The following BCL7A variants were observed in gnomAD, a reference collection of about 807,000 sequenced individuals.
BCL7A encodes B-cell CLL/lymphoma 7 protein family member A.
Under a neutral mutation model 28.4 loss-of-function variants are expected in BCL7A, and 11 were observed. The ratio of observed to expected loss-of-function variants is 0.39; its 90% CI spans 0.24 to 0.64. BCL7A has a LOEUF of 0.64. Among genes scored for constraint, BCL7A ranks in the 30% least tolerant of loss-of-function variants. BCL7A has a pLI of 0.50. For synonymous variants in BCL7A, 123 were observed against 103.3 expected, an observed-to-expected ratio of 1.19 and a Z score of -1.15; for missense variants, 222 against 274.8, an observed-to-expected ratio of 0.81 and a Z score of 1.36.
chr12:122,055,657 C>T (rs1951873379), intron 5 of BCL7A, among the ~76,000 whole-genome samples: 1 of 152,130 alleles, frequency 6.6e-6, no homozygotes, highest in Non-Finnish European at 1.5e-5. Flanking sequence ...CTCACTTTGT[C>T]ACCCAGGCTG....
intron 3 of BCL7A, among the ~76,000 whole-genome samples, chr12:122,037,307 C>G (rs1435218398): frequency 6.6e-6 from 1 of 152,202 alleles, no homozygotes; most frequent in African/African-American, 2.4e-5. Flanking sequence ...CTTTTGACCA[C>G]TGGAAGCTTT....
chr12:122,026,266 C>CAAA (rs78577517), intron 1 of BCL7A, among the ~76,000 whole-genome samples: 5 of 49,428 alleles, frequency 1.0e-4, no homozygotes, highest in Non-Finnish European at 2.2e-4. Context: ...GACTCCGTCT[C>CAAA]AAAAAAAAAA....
At chr12:122,055,624 CT>C (rs1177305350) in intron 5 of BCL7A, among the ~76,000 whole-genome samples, 10 of 152,206 alleles carry the variant, frequency 6.6e-5, no homozygotes, top group South Asian at 4.1e-4. Context: ...ATCCTCTAGA[CT>C]TTTTTTCCTT....
Position 122,044,009 on chromosome 12 carries a change from T to A in BCL7A, c.395T>A (p.Val132Glu), listed in dbSNP as rs753902391. The A allele has an allele frequency of 1.2e-6, 2 of 1,613,340 alleles. No individual in the cohort carries two copies. Among genetic ancestry groups the A allele is most frequent in the Admixed American group, 3.3e-5 (2 of 59,954 alleles). Residue 132 changes from valine to glutamate, a missense_variant, in exon 4 of 6, where the codon GTG becomes GAG. This residue lies in a region of BCL7A where 155 missense variants were observed against 145.7 expected (regional missense o/e 1.06). Transcript: ENST00000261822. ...CCCAGCGACGGCACCGAGGCCAAGG[T>A]GGATGAGGCCCAGGCTGATGGGAAG... ...AVPSDGTEAK[V>E]DEAQADGKEH...
chr12:122,021,941 T>TGTGTGTGTGTGTGA lies in BCL7A; in HGVS notation c.-138_-137insAGTGTGTGTGTGTG. The stretch of plus-strand genomic sequence containing the variant: ...TTGTGTGTGTGTGTATGTGTGTGTG[T>TGTGTGTGTGTGTGA]GTGTGTGTGTGTGTGTGAGTGTGTG... On this transcript the variant is annotated 5_prime_UTR_variant, in exon 1 of 6. An upstream open reading frame in the 5' UTR loses its in-frame stop. Coordinates refer to ENST00000261822, the MANE Select transcript of BCL7A (RefSeq NM_001024808.3). The TGTGTGTGTGTGTGA allele has an allele frequency of 1.8e-6, 1 of 565,732 alleles. No homozygotes were observed. The allele number at this position is 565,732 out of a possible 1,614,324, so 35.0% of individuals were successfully genotyped here.
At chr12:122,040,904 C>G (rs1384786261) in intron 3 of BCL7A, among the ~76,000 whole-genome samples, 1 of 152,140 alleles carries the variant, frequency 6.6e-6, no homozygotes, top group Non-Finnish European at 1.5e-5. Context: ...CATTAGTGCT[C>G]ATTGTCATTC....
chr12:122,057,566 G>A (rs1951887719), intron 5 of BCL7A, among the ~76,000 whole-genome samples: 1 of 152,142 alleles, frequency 6.6e-6, no homozygotes, highest in Non-Finnish European at 1.5e-5. Context: ...GCTTCAGGGG[G>A]TGTCCAGGCC....
chr12:122,059,313 C>G lies in BCL7A; in HGVS notation c.*150C>G. On this transcript the variant is annotated 3_prime_UTR_variant, in exon 6 of 6. Coordinates refer to ENST00000261822, the MANE Select transcript of BCL7A (RefSeq NM_001024808.3). This position sits in a 1 kb window ranked among gnomAD's most constrained non-coding sequence, Gnocchi z 4.0. ...AGTGCAAATCCAAGAAGACCCAGAA[C>G]GGCGTCACTTCTCAGACACTGAAGA... The G allele has an allele frequency of 1.5e-6, 1 of 676,262 alleles. No individual in the cohort carries two copies. The highest frequency in any genetic ancestry group is 2.5e-6 in the Non-Finnish European group (1 of 400,122). The allele number at this position is 676,262 out of a possible 1,614,324, so 41.9% of individuals were successfully genotyped here. A position where few individuals can be genotyped will look rare whatever the true frequency, so the allele number is the denominator to read the frequency against.
At chr12:122,057,195 G>A (rs1386531495) in intron 5 of BCL7A, among the ~76,000 whole-genome samples, 1 of 152,230 alleles carries the variant, frequency 6.6e-6, no homozygotes, top group African/African-American at 2.4e-5. Context: ...AGGGGGCCCA[G>A]GCTGGGACGG....
chr12:122,023,103 C>T lies in BCL7A; in HGVS notation c.92+920C>T, dbSNP rs1364100650. On this transcript the variant is annotated intron_variant, in intron 1 of 5. Coordinates refer to ENST00000261822, the MANE Select transcript of BCL7A (RefSeq NM_001024808.3). The stretch of plus-strand genomic sequence containing the variant: ...TAGCGTCCGCCCGGCGTGGCCCGGT[C>T]GACATTAAGGGGATCGAACCTTTCC... Among the ~76,000 whole-genome samples, 4 of 152,194 alleles carry T rather than the reference C, an allele frequency of 2.6e-5. No homozygotes were observed. In the East Asian group the frequency reaches 7.7e-4, roughly 29 times the overall value.
chr12:122,023,468 C>G (rs2135834571), intron 1 of BCL7A, among the ~76,000 whole-genome samples: 1 of 152,268 alleles, frequency 6.6e-6, no homozygotes, highest in African/African-American at 2.4e-5. Context: ...GGCGGTGTCA[C>G]AAGTTAGCTG....
intron 4 of BCL7A, among the ~76,000 whole-genome samples, chr12:122,053,312 GAAGT>G (rs1258755910): frequency 2.6e-5 from 4 of 152,218 alleles, no homozygotes; most frequent in Admixed American, 6.5e-5. Context: ...CCTAGTCTGA[GAAGT>G]AAGTGTCAAC....
At chr12:122,038,170 G>A (rs1014928383) in intron 3 of BCL7A, among the ~76,000 whole-genome samples, 3 of 151,702 alleles carry the variant, frequency 2.0e-5, no homozygotes, top group South Asian at 2.1e-4. Context: ...AGTGGCTCAC[G>A]CCTGTAATCC....
rs1364896552 is a variant in BCL7A, at chr12:122,029,275, T to C, written c.93-1425T>C. Among the ~76,000 whole-genome samples the C allele has an allele frequency of 6.6e-6, 1 of 152,038 alleles. No individual in the cohort carries two copies. The highest frequency in any genetic ancestry group is 1.5e-5 in the Non-Finnish European group (1 of 68,000). On this transcript the variant is annotated intron_variant, in intron 1 of 5. Coordinates refer to ENST00000261822, the MANE Select transcript of BCL7A (RefSeq NM_001024808.3). The surrounding 1 kb of genome is among the most constrained non-coding windows in gnomAD (Gnocchi z 4.3). Reference sequence around the variant, plus strand: ...CCGTAGCGTCCTCTGATGGAACACGTGGGACCCGAGCGGGCAGGGTTTTTG... The same window carrying C: ...CCGTAGCGTCCTCTGATGGAACACGCGGGACCCGAGCGGGCAGGGTTTTTG...
At chr12:122,026,388 A>T (rs190762402) in intron 1 of BCL7A, among the ~76,000 whole-genome samples, 1 of 152,190 alleles carries the variant, frequency 6.6e-6, no homozygotes, top group African/African-American at 2.4e-5. Context: ...GGCTGCAGTG[A>T]GCTACGATTG....
At chr12:122,033,913 C>T (rs1883792614) in intron 2 of BCL7A, among the ~76,000 whole-genome samples, 1 of 152,106 alleles carries the variant, frequency 6.6e-6, no homozygotes, top group Non-Finnish European at 1.5e-5. Flanking sequence ...AACCACCAGT[C>T]CACTTTTTGT....
chr12:122,024,207 A>C (rs1883556770), intron 1 of BCL7A, among the ~76,000 whole-genome samples: 1 of 152,286 alleles, frequency 6.6e-6, no homozygotes, highest in Admixed American at 6.5e-5. Context: ...GTGTCCTCTG[A>C]AGACCTCAGG....
chr12:122,026,257 A>T (rs1241369633), intron 1 of BCL7A, among the ~76,000 whole-genome samples: 2 of 137,514 alleles, frequency 1.5e-5, no homozygotes, highest in Non-Finnish European at 3.1e-5. Flanking sequence ...ACAGAGCGAG[A>T]CTCCGTCTCA....
At chr12:122,025,805 G>T (rs1883614393) in intron 1 of BCL7A, among the ~76,000 whole-genome samples, 1 of 151,436 alleles carries the variant, frequency 6.6e-6, no homozygotes, top group Admixed American at 6.6e-5. Flanking sequence ...AAATTAGCTG[G>T]ATGTGGTGGT....
Sources: allele counts gnomAD v4.1 joint callset (sites outside exome capture counted in the v4.1 genomes callset), GRCh38; gene constraint gnomAD v4.1.1; regional missense constraint gnomAD v4.1.1; non-coding constraint Gnocchi (gnomAD v3.1); transcripts MANE v1.5; gene names NCBI Gene and HGNC (gene_info 2026-07-23, HGNC 2026-07-21).